Variants in WDR64 observed in about 807,000 individuals in gnomAD.
WDR64 encodes WD repeat-containing protein 64.
In WDR64, 112 loss-of-function variants were observed where a neutral mutation model predicts 139.3. The observed-to-expected ratio is 0.80, with a 90% confidence interval of 0.69 to 0.94. The LOEUF (loss-of-function observed/expected upper bound fraction) is 0.94, where lower values mean the gene tolerates loss of function less well. Ranked by LOEUF, WDR64 falls within the 40% of genes least tolerant of loss-of-function variation. The pLI, the probability that WDR64 is intolerant of heterozygous loss-of-function variation, is 0.00. For synonymous variants in WDR64, 444 were observed against 437.7 expected (o/e 1.01, Z -0.18); for missense variants, 1,206 against 1,293.1 (o/e 0.93, Z 1.03).
At chr1:241,723,732 GA>G (rs1433497776) in intron 10 of WDR64, among the ~76,000 whole-genome samples, 2 of 151,658 alleles carry the variant, frequency 1.3e-5, no homozygotes, top group African/African-American at 4.8e-5. Flanking sequence ...GGAACATTAG[GA>G]AAAAAATGAG....
At chr1:241,687,903 A>G (rs1394684076) in intron 8 of WDR64, among the ~76,000 whole-genome samples, 1 of 152,194 alleles carries the variant, frequency 6.6e-6, no homozygotes, top group Non-Finnish European at 1.5e-5. Flanking sequence ...AAAATTTTAT[A>G]ATTTTAAAAT....
intron 27 of WDR64, among the ~76,000 whole-genome samples, chr1:241,798,965 T>C (rs1659442970): frequency 6.6e-6 from 1 of 152,072 alleles, no homozygotes; most frequent in African/African-American, 2.4e-5. Context: ...AAGTGAACTT[T>C]GGAAAGTGTA....
chr1:241,772,441 A>C (rs1658489825), intron 19 of WDR64, among the ~76,000 whole-genome samples: 1 of 138,414 alleles, frequency 7.2e-6, no homozygotes, highest in African/African-American at 2.7e-5. Context: ...TGCAAATTCC[A>C]AGATAGATCC....
chr1:241,693,810 A>G (rs1417162901), intron 8 of WDR64, among the ~76,000 whole-genome samples: 1 of 152,202 alleles, frequency 6.6e-6, no homozygotes, highest in Non-Finnish European at 1.5e-5. Flanking sequence ...ATGAGCATAA[A>G]CCTATCTAAA....
chr1:241,786,689 G>A (rs552239062), intron 23 of WDR64, among the ~76,000 whole-genome samples: 1 of 152,314 alleles, frequency 6.6e-6, no homozygotes, highest in South Asian at 2.1e-4. Flanking sequence ...TTTGGTTGAT[G>A]CTGATTTGAA....
At chr1:241,658,661 AT>A (rs1276549496) in intron 1 of WDR64, among the ~76,000 whole-genome samples, 4 of 149,976 alleles carry the variant, frequency 2.7e-5, no homozygotes, top group African/African-American at 9.8e-5. Flanking sequence ...AAAAAAAAGA[AT>A]TGCTGTTTGC....
In WDR64 at chr1:241,664,589, T is replaced by G. The variant is rs1011652922; in HGVS notation, c.276+3929T>G. On this transcript the variant is annotated intron_variant, in intron 2 of 27. Coordinates refer to ENST00000437684, the MANE Select transcript of WDR64 (RefSeq NM_001367482.1). ...AAATACTAAAGTAAATCAGATTTTT[T>G]TTTGTTTGTTTTACAGATGAGGAAA... Among the ~76,000 whole-genome samples, 5 of 152,322 alleles carry G rather than the reference T, an allele frequency of 3.3e-5. No individual in the cohort carries two copies. In the East Asian group the frequency reaches 9.6e-4, roughly 29 times the overall value.
chr1:241,707,697 C>T (rs1668004077), intron 8 of WDR64, among the ~76,000 whole-genome samples: 1 of 152,162 alleles, frequency 6.6e-6, no homozygotes, highest in South Asian at 2.1e-4. Context: ...GTGCCCCCCA[C>T]AGCTCTGGGA....
intron 24 of WDR64, among the ~76,000 whole-genome samples, chr1:241,788,341 A>T (rs1223033296): frequency 1.3e-5 from 2 of 152,240 alleles, no homozygotes; most frequent in African/African-American, 4.8e-5. Flanking sequence ...GATAGAGTAC[A>T]GAATGTGAGA....
chr1:241,681,003 C>T (rs529754118), intron 6 of WDR64, among the ~76,000 whole-genome samples: 24 of 152,282 alleles, frequency 1.6e-4, no homozygotes, highest in Admixed American at 9.2e-4. Context: ...TCCTTACTTT[C>T]GTCCTCTCTC....
chr1:241,724,460 CTA>C (rs564821988), intron 10 of WDR64, among the ~76,000 whole-genome samples: 91 of 152,192 alleles, frequency 6.0e-4, no homozygotes, highest in African/African-American at 2.2e-3. Flanking sequence ...TAGTTTATGT[CTA>C]TGTGGGAATT....
At position 241,751,129 on chromosome 1, in the gene WDR64, G is replaced by C. The variant is rs149488238; in HGVS notation, c.1770+1407G>C. Among the ~76,000 whole-genome samples, 9 of 152,076 alleles carry C rather than the reference G, an allele frequency of 5.9e-5. 1 individual carries two copies. In the East Asian group the frequency reaches 1.7e-3, roughly 29 times the overall value. The stretch of plus-strand genomic sequence containing the variant: ...CCAAATATTTGCCATGTTCCAGAAG[G>C]ATATTCCCTTTCACCATGAAATGCA... On this transcript the variant is annotated intron_variant, in intron 14 of 27. Transcript: ENST00000437684.
At chr1:241,794,511 T>TTTG (rs1553382961) in intron 25 of WDR64, among the ~76,000 whole-genome samples, 5 of 140,684 alleles carry the variant, frequency 3.6e-5, no homozygotes, top group African/African-American at 1.1e-4. Context: ...ACTGTTTTTT[T>TTTG]TTTTTTTTTT....
intron 8 of WDR64, among the ~76,000 whole-genome samples, chr1:241,690,769 G>A (rs1036756659): frequency 2.6e-5 from 4 of 152,042 alleles, no homozygotes; most frequent in Non-Finnish European, 4.4e-5. Flanking sequence ...AAGAAAAGCC[G>A]TAAGTCAGAA....
At chr1:241,705,385 CA>C (rs1316663899) in intron 8 of WDR64, among the ~76,000 whole-genome samples, 4 of 150,482 alleles carry the variant, frequency 2.7e-5, no homozygotes, top group Middle Eastern at 3.2e-3. Context: ...ACTGAAAATA[CA>C]AAAAAAATAG....
At chr1:241,690,635 A>C (rs1667183711) in intron 8 of WDR64, among the ~76,000 whole-genome samples, 1 of 152,172 alleles carries the variant, frequency 6.6e-6, no homozygotes, top group Admixed American at 6.5e-5. Flanking sequence ...AATTCTGTAT[A>C]CCGTGAAATT....
chr1:241,772,821 C>G lies in WDR64; in HGVS notation c.2320C>G (p.Gln774Glu), dbSNP rs373766504. 1.9e-5 allele frequency: 29 copies of G among 1,551,774 alleles called. No individual in the cohort carries two copies. Among genetic ancestry groups the G allele is most frequent in the Non-Finnish European group, 2.5e-5 (29 of 1,147,014 alleles). Residue 774 changes from glutamine (Q) to glutamate (E), a missense_variant, in exon 20 of 28, where the codon CAA (glutamine) becomes GAA (glutamate). Physicochemically the swap from Gln to Glu is conservative, Grantham distance 29. Coordinates refer to ENST00000437684, the MANE Select transcript of WDR64 (RefSeq NM_001367482.1). ...GEQTDVMVGKQQPMDKKHPGI... is the reference protein window; with the variant it reads ...GEQTDVMVGKEQPMDKKHPGI... Reference sequence around the variant, plus strand: ...ACAAACAGATGTAATGGTGGGAAAGCAACAGCCAATGGACAAAAAACACCC... The same window carrying G: ...ACAAACAGATGTAATGGTGGGAAAGGAACAGCCAATGGACAAAAAACACCC...
At chr1:241,690,617 C>G (rs999463423) in intron 8 of WDR64, among the ~76,000 whole-genome samples, 1 of 152,052 alleles carries the variant, frequency 6.6e-6, no homozygotes, top group African/African-American at 2.4e-5. Flanking sequence ...GAAGACCTAC[C>G]AGCCTAGAAT....
At chr1:241,683,314 G>A (rs184949547) in intron 6 of WDR64, among the ~76,000 whole-genome samples, 173 bp from the exon 7 acceptor site, 102 of 152,242 alleles carry the variant, frequency 6.7e-4, no homozygotes, top group Non-Finnish European at 1.3e-3. Flanking sequence ...GGCTCACAGC[G>A]AGTGTTCTGT....
Sources: allele counts gnomAD v4.1 joint callset (sites outside exome capture counted in the v4.1 genomes callset), GRCh38; gene constraint gnomAD v4.1.1; transcripts MANE v1.5; gene names NCBI Gene and HGNC (gene_info 2026-07-23, HGNC 2026-07-21).